The following LRBA variants were observed in gnomAD, a reference collection of about 807,000 sequenced individuals.
LRBA encodes lipopolysaccharide-responsive and beige-like anchor protein.
LRBA carries 176 observed loss-of-function variants against 330.0 expected under a neutral mutation model. The observed-to-expected ratio is 0.53, with a 90% CI of 0.47 to 0.60. LRBA has a LOEUF of 0.60. LRBA is among the 20% of genes least tolerant of loss of function. The pLI is 0.00. For missense variants in LRBA, 3,259 were observed against 3,444.8 expected (o/e 0.95, Z 1.35); for synonymous variants, 1,230 against 1,193.0 (o/e 1.03, Z -0.64).
At chr4:150,910,395 C>T (rs917162909) in intron 9 of LRBA, among the ~76,000 whole-genome samples, 1 of 152,034 alleles carries the variant, frequency 6.6e-6, no homozygotes, top group Non-Finnish European at 1.5e-5. Context: ...TCTGGATATC[C>T]AGTTTTCCCA....
intron 2 of LRBA, among the ~76,000 whole-genome samples, chr4:150,968,748 A>G (rs1739190101): frequency 1.3e-5 from 2 of 152,250 alleles, no homozygotes; most frequent in Non-Finnish European, 2.9e-5. Flanking sequence ...AGGTGGCTAC[A>G]CAATAGATTT....
At chr4:150,394,711 C>T (rs1468685195) in intron 47 of LRBA, among the ~76,000 whole-genome samples, 1 of 152,170 alleles carries the variant, frequency 6.6e-6, no homozygotes, top group East Asian at 1.9e-4. Context: ...GTAGAATTTA[C>T]ATGGCACAGG....
intron 17 of LRBA, among the ~76,000 whole-genome samples, chr4:150,881,081 AAGTT>A (rs1340600884): frequency 9.2e-5 from 14 of 152,220 alleles, no homozygotes; most frequent in Non-Finnish European, 2.1e-4. Context: ...GTGGGAATGT[AAGTT>A]AGTTCAGCCT....
intron 2 of LRBA, among the ~76,000 whole-genome samples, chr4:150,973,148 C>T (rs887718880): frequency 8.0e-5 from 12 of 149,464 alleles, no homozygotes; most frequent in East Asian, 4.0e-4. Context: ...TTTTGTCTGT[C>T]TGTTTGTTTG....
At chr4:150,759,061 C>T (rs1235863012) in intron 35 of LRBA, among the ~76,000 whole-genome samples, 1 of 152,006 alleles carries the variant, frequency 6.6e-6, no homozygotes, top group Non-Finnish European at 1.5e-5. Flanking sequence ...GTACTATAGG[C>T]ACCTGCCACT....
intron 48 of LRBA, among the ~76,000 whole-genome samples, chr4:150,334,889 G>C (rs1734453298): frequency 6.9e-6 from 1 of 145,818 alleles, no homozygotes; most frequent in African/African-American, 2.5e-5. Flanking sequence ...GAGTGTGGTG[G>C]TGCAACCTTG....
intron 17 of LRBA, among the ~76,000 whole-genome samples, chr4:150,879,314 G>T (rs1204329498): frequency 6.6e-6 from 1 of 152,084 alleles, no homozygotes; most frequent in Admixed American, 6.6e-5. Context: ...ATAAAATCCA[G>T]CATCTCTTCA....
intron 38 of LRBA, among the ~76,000 whole-genome samples, chr4:150,592,826 T>C (rs951342952): frequency 6.6e-6 from 1 of 151,906 alleles, no homozygotes; most frequent in African/African-American, 2.4e-5. Flanking sequence ...AGAGATGAGG[T>C]CTTCCCATGT....
At chr4:150,269,398 C>T (rs1205066404) in intron 56 of LRBA, among the ~76,000 whole-genome samples, 1 of 152,134 alleles carries the variant, frequency 6.6e-6, no homozygotes, top group Non-Finnish European at 1.5e-5. Context: ...ACCTTCTTTT[C>T]AACAAATTAT....
At chr4:150,646,685 G>C (rs1298854924) in intron 37 of LRBA, among the ~76,000 whole-genome samples, 1 of 152,068 alleles carries the variant, frequency 6.6e-6, no homozygotes, top group African/African-American at 2.4e-5. Context: ...CAAAGTGTTA[G>C]CAGAAGGAGA....
intron 53 of LRBA, among the ~76,000 whole-genome samples, chr4:150,295,361 A>G (rs1728850531): frequency 6.6e-6 from 1 of 151,848 alleles, no homozygotes; most frequent in Non-Finnish European, 1.5e-5. Flanking sequence ...ACACCCAGCT[A>G]ATTTTTTTTA....
intron 37 of LRBA, among the ~76,000 whole-genome samples, chr4:150,626,286 A>C (rs965117308): frequency 2.6e-5 from 4 of 152,226 alleles, no homozygotes; most frequent in Admixed American, 2.6e-4. Flanking sequence ...ACATCTAAAA[A>C]GTGCTTCAAA....
At chr4:151,004,307 G>A (rs1462006311) in intron 2 of LRBA, among the ~76,000 whole-genome samples, 1 of 152,006 alleles carries the variant, frequency 6.6e-6, no homozygotes, top group Non-Finnish European at 1.5e-5. Context: ...TATACTTTGG[G>A]GCCACTATTA....
rs1731610241 is a variant in LRBA at position 150,908,663 on chromosome 4, G to A, written c.1356C>T (p.Leu452=). The A allele has an allele frequency of 6.2e-7, 1 of 1,611,720 alleles. No homozygotes were observed. The highest frequency in any genetic ancestry group is 1.7e-5 in the Admixed American group (1 of 59,860). ...IFVHSPHALM[L]QDVKAVLTHS... is the part of the protein sequence containing the mutation. ...CTTAAAAGATCACAGTTAGTACCTG[G>A]AGCATGAGTGCATGTGGTGAATGAA... Residue 452 remains leucine (L), a synonymous_variant, in exon 10 of 57, where the codon CTC becomes CTT. Transcript: ENST00000651943.
At chr4:150,984,441 G>A (rs1025196817) in intron 2 of LRBA, among the ~76,000 whole-genome samples, 10 of 152,082 alleles carry the variant, frequency 6.6e-5, no homozygotes, top group East Asian at 1.9e-4. Context: ...CCCGGAAGGC[G>A]GAGGTTGTGG....
In LRBA at chr4:150,844,768, C is replaced by T. The variant is rs747397724; in HGVS notation, c.4351G>A (p.Ala1451Thr). 3.8e-5 allele frequency: 62 copies of T among 1,610,896 alleles called. 2 individuals carry two copies. Among genetic ancestry groups the T allele is most frequent in the South Asian group, 1.9e-4 (17 of 90,446 alleles). The change falls in exon 27 of 57, where the codon GCA becomes ACA. Residue 1451 changes from alanine to threonine, a missense_variant. By Grantham distance (58) the Ala-to-Thr change is moderately conservative (BLOSUM62 0). Coordinates refer to ENST00000651943, the MANE Select transcript of LRBA (RefSeq NM_001364905.1). The stretch of plus-strand genomic sequence containing the variant: ...TGACACTCCAAGCAATTCCTTACTG[C>T]GACTGCACAAACTGTAATTTATTTT... ...RQCLRLVCAV[A>T]VRNCLECQQH...
chr4:150,701,303 T>A (rs1490764619), intron 36 of LRBA, among the ~76,000 whole-genome samples: 1 of 151,498 alleles, frequency 6.6e-6, no homozygotes, highest in Non-Finnish European at 1.5e-5. Context: ...ACAGTTAACA[T>A]TTTTTTTTAA....
At chr4:150,424,261 A>T (rs1475387335) in intron 46 of LRBA, among the ~76,000 whole-genome samples, 1 of 152,210 alleles carries the variant, frequency 6.6e-6, no homozygotes, top group Non-Finnish European at 1.5e-5. Flanking sequence ...TGTCATCGAT[A>T]GGGTCTTGAA....
chr4:150,815,435 T>C (rs1233127067), intron 31 of LRBA, among the ~76,000 whole-genome samples: 1 of 151,756 alleles, frequency 6.6e-6, no homozygotes, highest in African/African-American at 2.4e-5. Context: ...TTTTCCTTTG[T>C]AATTCTCACT....
Sources: gnomAD v4.1 joint callset for allele counts (sites outside exome capture counted in the v4.1 genomes callset) on GRCh38, gnomAD v4.1.1 for gene constraint, MANE v1.5 for transcripts, NCBI Gene and HGNC (gene_info 2026-07-23, HGNC 2026-07-21) for gene names.